PCDHA8: variants seen among roughly 807,000 people sequenced by gnomAD.
PCDHA8 encodes protocadherin alpha 8.
A neutral mutation model predicts 61.8 loss-of-function variants in PCDHA8; 53 were observed. The ratio of observed to expected loss-of-function variants is 0.86; its 90% CI spans 0.69 to 1.08. The LOEUF (loss-of-function observed/expected upper bound fraction) is 1.08, where lower values mean the gene tolerates loss of function less well. Ranked by LOEUF, PCDHA8 falls within the 50% of genes least tolerant of loss-of-function variation. PCDHA8 has a pLI of 0.00. For synonymous variants in PCDHA8, 618 were observed against 556.6 expected (o/e 1.11, Z -1.55); for missense variants, 1,293 against 1,245.0 (o/e 1.04, Z -0.58).
chr5:140,967,831 C>T (rs2153762943), intron 1 of PCDHA8: 1 of 1,614,130 alleles, frequency 6.2e-7, no homozygotes, highest in Admixed American at 1.7e-5. Flanking sequence ...TGGTGGACAT[C>T]GTGGACGTGA....
chr5:140,933,300 A>G (rs541308392), intron 1 of PCDHA8, among the ~76,000 whole-genome samples: 41 of 152,132 alleles, frequency 2.7e-4, no homozygotes, highest in African/African-American at 9.4e-4. Context: ...ATCTGGAAAT[A>G]AATATGCAAT....
intron 1 of PCDHA8, chr5:140,929,146 CAG>C (rs782305171): frequency 6.2e-7 from 1 of 1,614,180 alleles, no homozygotes; most frequent in Non-Finnish European, 8.5e-7. Flanking sequence ...GAGACTTTCT[CAG>C]ACTTATCTCT....
chr5:140,992,414 G>T (rs868994021), intron 3 of PCDHA8, among the ~76,000 whole-genome samples: 1 of 152,128 alleles, frequency 6.6e-6, no homozygotes, highest in African/African-American at 2.4e-5. Flanking sequence ...TCTGCCCCAG[G>T]TCTAAGAATA....
In PCDHA8 at chr5:140,949,770, T is replaced by C. The variant is rs955982016; in HGVS notation, c.2395-29179T>C. On this transcript the variant is annotated intron_variant, in intron 1 of 3. Coordinates refer to ENST00000531613, the MANE Select transcript of PCDHA8 (RefSeq NM_018911.3). ...TTAGCCCATTCACATTAGTGTAATA[T>C]TTGATATGTTTAGATTTGTGTCCTT... Among the ~76,000 whole-genome samples, 3 of 152,026 alleles carry C rather than the reference T, an allele frequency of 2.0e-5. 1 individual carries two copies. The highest frequency in any genetic ancestry group is 6.8e-3 in the Middle Eastern group (2 of 294).
At chr5:140,854,861 A>G (rs1176578969) in intron 1 of PCDHA8, among the ~76,000 whole-genome samples, 2 of 149,864 alleles carry the variant, frequency 1.3e-5, no homozygotes, top group African/African-American at 4.9e-5. Flanking sequence ...TACTAGATAT[A>G]TTTCAGAACT....
At chr5:140,875,078 G>A (rs1554167473) in intron 1 of PCDHA8, among the ~76,000 whole-genome samples, 1 of 152,164 alleles carries the variant, frequency 6.6e-6, no homozygotes, top group Non-Finnish European at 1.5e-5. Flanking sequence ...AAGCTACAGC[G>A]TAATAAAATT....
chr5:140,879,564 A>G (rs1232052888), intron 1 of PCDHA8, among the ~76,000 whole-genome samples: 2 of 152,254 alleles, frequency 1.3e-5, no homozygotes, highest in Non-Finnish European at 1.5e-5. Context: ...CCATGAAAGA[A>G]TAAAATTGCC....
At chr5:140,968,770 A>G in intron 1 of PCDHA8, 2 of 1,614,216 alleles carry the variant, frequency 1.2e-6, no homozygotes, top group Non-Finnish European at 1.7e-6. Context: ...ATGGAGAGCC[A>G]TCACTATCAG....
chr5:140,958,617 A>C (rs2095434462), intron 1 of PCDHA8, among the ~76,000 whole-genome samples: 1 of 152,204 alleles, frequency 6.6e-6, no homozygotes, highest in Admixed American at 6.5e-5. Flanking sequence ...ATACTAGTCC[A>C]GCTTGAGAGT....
chr5:140,882,918 G>A (rs1554176085), intron 1 of PCDHA8: 1 of 1,614,186 alleles, frequency 6.2e-7, no homozygotes, highest in South Asian at 1.1e-5. Context: ...GCCAGTGATG[G>A]AGGTAAACCC....
chr5:140,869,141 G>T (rs782396331), intron 1 of PCDHA8: 1 of 1,613,314 alleles, frequency 6.2e-7, no homozygotes, highest in African/African-American at 1.3e-5. Flanking sequence ...GGCACCCCAC[G>T]ACTACAGCTC....
chr5:140,937,089 G>A (rs2091320544), intron 1 of PCDHA8, among the ~76,000 whole-genome samples: 1 of 149,070 alleles, frequency 6.7e-6, no homozygotes, highest in African/African-American at 2.5e-5. Context: ...CCAGGCTGGA[G>A]TGCAGTGGCG....
intron 2 of PCDHA8, among the ~76,000 whole-genome samples, chr5:140,979,789 C>CAAAT (rs1244398411): frequency 2.6e-5 from 4 of 152,148 alleles, no homozygotes; most frequent in African/African-American, 9.7e-5. Context: ...GACCAAGAAA[C>CAAAT]AAATGATCAC....
At chr5:140,946,287 A>G (rs1484519782) in intron 1 of PCDHA8, among the ~76,000 whole-genome samples, 1 of 152,032 alleles carries the variant, frequency 6.6e-6, no homozygotes, top group African/African-American at 2.4e-5. Flanking sequence ...ATGAGATATC[A>G]CCTCACACCT....
In PCDHA8 at chr5:140,887,388, G is replaced by A. The variant is rs138166374; in HGVS notation, c.2394+43673G>A. ...TGGGATTACAGGTGTGAGCCACCGC[G>A]CCCGGCTCTTTATCTCATTTTTATT... is the stretch of plus-strand genomic sequence containing the variant. On this transcript the variant is annotated intron_variant, in intron 1 of 3. Transcript: ENST00000531613. 5.8e-3 allele frequency among the ~76,000 whole-genome samples: 888 copies of A among 152,192 alleles called. 10 individuals carry two copies. The highest frequency in any genetic ancestry group is 0.019 in the African/African-American group (805 of 41,536).
chr5:140,892,246 G>T lies in PCDHA8; in HGVS notation c.2394+48531G>T, dbSNP rs895446433. Among the ~76,000 whole-genome samples the T allele has an allele frequency of 5.9e-5, 9 of 152,166 alleles. No individual in the cohort carries two copies. In the East Asian group the frequency reaches 1.7e-3, roughly 29 times the overall value. Reference sequence around the variant, plus strand: ...GGTGTTTTGTCTCCACATAAACCTGGTTATCTTTGATTTTGTGCTGAAAGT... The same window carrying T: ...GGTGTTTTGTCTCCACATAAACCTGTTTATCTTTGATTTTGTGCTGAAAGT... On this transcript the variant is annotated intron_variant, in intron 1 of 3. Coordinates refer to ENST00000531613, the MANE Select transcript of PCDHA8 (RefSeq NM_018911.3).
rs2150349666 is a variant in PCDHA8, at chr5:140,842,999, G to T, written c.1678G>T (p.Asp560Tyr). ...GCAGGTGTTCGTGCTGGACGAGAAT[G>T]ACAACGCGCCGGCACTGCTGGAGCC... The part of the protein sequence containing the change: ...TLQVFVLDEN[D>Y]NAPALLEPRV... Residue 560 changes from aspartate to tyrosine, a missense_variant, in exon 1 of 4, where the codon GAC becomes TAC. Asp to Tyr is a radical substitution (Grantham distance 160). Coordinates refer to ENST00000531613, the MANE Select transcript of PCDHA8 (RefSeq NM_018911.3). The T allele has an allele frequency of 6.3e-5, 100 of 1,594,954 alleles. 9 individuals carry two copies. In the Admixed American group the frequency reaches 1.7e-3, roughly 27 times the overall value.
Position 140,842,387 on chromosome 5 carries a change from T to G in PCDHA8, c.1066T>G (p.Ser356Ala), listed in dbSNP as rs2150335066. Reference sequence around the variant, plus strand: ...CCCTGAGATAGCACTGACTTCCTTATCCTTGCCTGTACGTGAAGACGCTCA... The same window carrying G: ...CCCTGAGATAGCACTGACTTCCTTAGCCTTGCCTGTACGTGAAGACGCTCA... ...NVPEIALTSL[S>A]LPVREDAQFG... is the part of the protein sequence containing the mutation. The change falls in exon 1 of 4, where the codon TCC becomes GCC. Residue 356 changes from serine to alanine, a missense_variant. Physicochemically the swap from Ser to Ala is moderately conservative, Grantham distance 99 (BLOSUM62 1). Transcript: ENST00000531613. 4.3e-6 allele frequency: 7 copies of G among 1,611,016 alleles called. No individual in the cohort carries two copies. In the East Asian group the frequency reaches 1.6e-4, roughly 36 times the overall value.
chr5:140,885,051 A>G (rs2060446316), intron 1 of PCDHA8, among the ~76,000 whole-genome samples: 1 of 152,230 alleles, frequency 6.6e-6, no homozygotes, highest in Non-Finnish European at 1.5e-5. Context: ...TAATGTATAC[A>G]TATACCCACA....
Sources: gnomAD v4.1 joint callset for allele counts (sites outside exome capture counted in the v4.1 genomes callset) on GRCh38, gnomAD v4.1.1 for gene constraint, MANE v1.5 for transcripts, NCBI Gene and HGNC (gene_info 2026-07-23, HGNC 2026-07-21) for gene names.